GNG7: variants seen among roughly 807,000 people sequenced by gnomAD.
GNG7 encodes the protein guanine nucleotide-binding protein G(I)/G(S)/G(O) subunit gamma-7.
GNG7 carries 1 observed loss-of-function variant against 4.0 expected under a neutral mutation model. The observed-to-expected ratio is 0.25, with a 90% confidence interval of 0.09 to 1.18. The LOEUF (loss-of-function observed/expected upper bound fraction) is 1.18. Among genes scored for constraint, GNG7 ranks in the 50% most tolerant of loss-of-function variants. The pLI is 0.50. For missense variants in GNG7, 86 were observed against 91.9 expected (o/e 0.94, Z 0.26); for synonymous variants, 34 against 36.9 (o/e 0.92, Z 0.29).
At chr19:2,661,273 A>AAG (rs1568277681) in intron 1 of GNG7, among the ~76,000 whole-genome samples, 35 of 48,058 alleles carry the variant, frequency 7.3e-4, no homozygotes, top group African/African-American at 1.1e-3. Context: ...AAGAAAGAAA[A>AAG]GAAAGAAAGA....
rs1599389341 is a variant in GNG7, at chr19:2,557,162, ACG to A, written c.-77-1976_-77-1975del. On this transcript the variant is annotated intron_variant, in intron 2 of 4. Coordinates refer to ENST00000382159, the MANE Select transcript of GNG7 (RefSeq NM_052847.3). The surrounding 1 kb of genome is among the most constrained non-coding windows in gnomAD (Gnocchi z 5.1). The stretch of plus-strand genomic sequence containing the variant: ...CACTCACGCACATGCACACAAAGAC[ACG>A]CGCACACACGTACACACAAGACACG... 6.6e-6 allele frequency among the ~76,000 whole-genome samples: 1 copy of A among 151,098 alleles called. No homozygotes were observed. Among genetic ancestry groups the A allele is most frequent in the Non-Finnish European group, 1.5e-5 (1 of 67,860 alleles).
chr19:2,648,377 C>A (rs375546049), intron 1 of GNG7, among the ~76,000 whole-genome samples: 29 of 152,232 alleles, frequency 1.9e-4, no homozygotes, highest in Middle Eastern at 3.4e-3. Flanking sequence ...GCCTGGGCAA[C>A]AGAGCACGGC....
At chr19:2,569,201 C>T (rs895384773) in intron 2 of GNG7, among the ~76,000 whole-genome samples, 5 of 152,178 alleles carry the variant, frequency 3.3e-5, no homozygotes, top group South Asian at 2.1e-4. Context: ...ATCAGTTCCA[C>T]AAAGGGTGCA....
At chr19:2,635,288 CCCCCAG>C (rs770387702) in intron 2 of GNG7, among the ~76,000 whole-genome samples, 298 of 152,344 alleles carry the variant, frequency 2.0e-3, no homozygotes, top group Non-Finnish European at 2.8e-3. Flanking sequence ...TCCAACCCCA[CCCCCAG>C]CCCCAGTGTC....
intron 2 of GNG7, among the ~76,000 whole-genome samples, chr19:2,620,422 G>A (rs1020166195): frequency 2.4e-4 from 36 of 152,008 alleles, no homozygotes; most frequent in African/African-American, 7.0e-4. Context: ...CCCATGCACC[G>A]GGAAACCTGC....
intron 2 of GNG7, among the ~76,000 whole-genome samples, chr19:2,603,536 G>A (rs187014506): frequency 2.0e-5 from 3 of 152,308 alleles, no homozygotes; most frequent in Middle Eastern, 3.4e-3. Flanking sequence ...AGCCATCCCC[G>A]AGGGTTCAGA....
At chr19:2,564,580 GACAA>G (rs900404321) in intron 2 of GNG7, among the ~76,000 whole-genome samples, 4 of 152,040 alleles carry the variant, frequency 2.6e-5, no homozygotes, top group African/African-American at 4.8e-5. Context: ...TCTCAAAACA[GACAA>G]ACAAACACCA....
chr19:2,612,940 C>T (rs1981616235), intron 2 of GNG7, among the ~76,000 whole-genome samples: 2 of 152,028 alleles, frequency 1.3e-5, no homozygotes, highest in Non-Finnish European at 2.9e-5. Flanking sequence ...GATCCGTCCG[C>T]CTCGGCCTCC....
chr19:2,585,927 C>T (rs1384779497), intron 2 of GNG7, among the ~76,000 whole-genome samples: 1 of 152,324 alleles, frequency 6.6e-6, no homozygotes, highest in East Asian at 1.9e-4. Context: ...GTCTCACTCT[C>T]TTGACCTCGT....
chr19:2,638,751 AG>A (rs1338131128), intron 2 of GNG7, among the ~76,000 whole-genome samples: 1 of 119,936 alleles, frequency 8.3e-6, no homozygotes, highest in Non-Finnish European at 1.8e-5. Context: ...TGGGGAGGGG[AG>A]GGGAGGGGAG....
rs963409766 is a variant in GNG7 at position 2,557,729 on chromosome 19, C to T, written c.-77-2541G>A. Among the ~76,000 whole-genome samples the T allele has an allele frequency of 6.6e-6, 1 of 152,162 alleles. No individual in the cohort carries two copies. The highest frequency in any genetic ancestry group is 2.4e-5 in the African/African-American group (1 of 41,440). ...GCTGGGGCCACCTCACCTGCAGCCCCGGGTCAGCCTCAGAACCCACAGGAC... is the reference window on the plus strand; with the variant it reads ...GCTGGGGCCACCTCACCTGCAGCCCTGGGTCAGCCTCAGAACCCACAGGAC... On this transcript the variant is annotated intron_variant, in intron 2 of 4. Coordinates refer to ENST00000382159, the MANE Select transcript of GNG7 (RefSeq NM_052847.3). The surrounding 1 kb of genome is among the most constrained non-coding windows in gnomAD (Gnocchi z 5.1).
intron 2 of GNG7, among the ~76,000 whole-genome samples, chr19:2,603,589 C>T (rs1157115403): frequency 3.3e-5 from 5 of 152,184 alleles, no homozygotes; most frequent in Admixed American, 6.5e-5. Flanking sequence ...GACTGGAGAT[C>T]GACCAAAAAC....
intron 2 of GNG7, among the ~76,000 whole-genome samples, chr19:2,565,590 A>G (rs954756187): frequency 3.3e-5 from 5 of 151,964 alleles, no homozygotes; most frequent in South Asian, 2.1e-4. Context: ...GACTGAATCC[A>G]TGAGAACTGC....
At chr19:2,644,043 T>G (rs1339775076) in intron 2 of GNG7, among the ~76,000 whole-genome samples, 1 of 152,004 alleles carries the variant, frequency 6.6e-6, no homozygotes, top group African/African-American at 2.4e-5. Context: ...ATTTCTGAGA[T>G]GGAGTCTCGC....
In GNG7 at chr19:2,567,606, G is replaced by A. The variant is rs114194854; in HGVS notation, c.-77-12418C>T. ...CTCCCAAAGTGCTGGGATTGCAAGC[G>A]TGAGCCGCTGCACTGGGCCGGTGTC... On this transcript the variant is annotated intron_variant, in intron 2 of 4. Coordinates refer to ENST00000382159, the MANE Select transcript of GNG7 (RefSeq NM_052847.3). 1.4e-3 allele frequency among the ~76,000 whole-genome samples: 214 copies of A among 152,248 alleles called. 2 individuals are homozygous for A. Among genetic ancestry groups the A allele is most frequent in the African/African-American group, 4.9e-3 (202 of 41,542 alleles).
In GNG7 at chr19:2,611,448, G is replaced by A. The variant is rs1291070644; in HGVS notation, c.-78+34776C>T. On this transcript the variant is annotated intron_variant, in intron 2 of 4. Transcript: ENST00000382159. This position sits in a 1 kb window ranked among gnomAD's most constrained non-coding sequence, Gnocchi z 6.0. ...GTGCCCCGTCCCAGGACCGTGGCAG[G>A]AGGGGGTCCCGTCCTGCGTGGGGCT... The A allele has an allele frequency of 6.6e-6, 1 of 152,292 alleles. No homozygotes were observed. The highest frequency in any genetic ancestry group is 1.9e-4 in the East Asian group (1 of 5,198). 9.4% of individuals were successfully genotyped at this position (152,292 alleles called of 1,614,324 possible).
At chr19:2,553,888 T>TATATGTAA (rs1979456111) in intron 3 of GNG7, among the ~76,000 whole-genome samples, 1 of 143,664 alleles carries the variant, frequency 7.0e-6, no homozygotes, top group African/African-American at 2.6e-5. Context: ...ATGTACATAT[T>TATATGTAA]CTATGTAATA....
intron 2 of GNG7, among the ~76,000 whole-genome samples, chr19:2,584,189 T>G (rs1356821859): frequency 6.6e-6 from 1 of 150,400 alleles, no homozygotes; most frequent in African/African-American, 2.5e-5. Context: ...ATGCCTATAA[T>G]CCTACCACTT....
chr19:2,598,099 C>A (rs1024260356), intron 2 of GNG7, among the ~76,000 whole-genome samples: 1 of 152,062 alleles, frequency 6.6e-6, no homozygotes, highest in Admixed American at 6.6e-5. Context: ...ATCTCAGGCT[C>A]TCCACTCGGC....
Sources: gnomAD v4.1 joint callset for allele counts (sites outside exome capture counted in the v4.1 genomes callset) on GRCh38, gnomAD v4.1.1 for gene constraint, Gnocchi (gnomAD v3.1) non-coding constraint, MANE v1.5 for transcripts, NCBI Gene and HGNC (gene_info 2026-07-23, HGNC 2026-07-21) for gene names.